LONP1: variants seen among roughly 807,000 people sequenced by gnomAD.
LONP1 encodes lon peptidase 1, mitochondrial, also known as lon protease homolog, mitochondrial.
Under a neutral mutation model 98.5 loss-of-function variants are expected in LONP1, and 31 were observed. The ratio of observed to expected loss-of-function variants is 0.31; its 90% CI spans 0.24 to 0.42. The LOEUF is 0.42. LONP1 is among the 20% of genes least tolerant of loss of function. LONP1 has a pLI of 1.00. For synonymous variants in LONP1, 781 were observed against 594.7 expected (o/e 1.31, Z -4.56); for missense variants, 1,336 against 1,350.6 (o/e 0.99, Z 0.17).
rs1062367 is a variant in LONP1, at chr19:5,696,090, C to T, written c.1977G>A (p.Ser659=). The change falls in exon 13 of 18, where the codon TCG becomes TCA. Residue 659 remains serine, a synonymous_variant. Transcript: ENST00000360614. ...CCAGCTTCTCCTGGGCCACGTAGCCCGACACGTTGATCATCTCCATACGGT... is the reference window on the plus strand; with the variant it reads ...CCAGCTTCTCCTGGGCCACGTAGCCTGACACGTTGATCATCTCCATACGGT... ...LRDRMEMINV[S]GYVAQEKLAI... 38,455 of 1,612,944 alleles carry T rather than the reference C, an allele frequency of 0.024. 572 individuals are homozygous for T. Among genetic ancestry groups the T allele is most frequent in the Admixed American group, 0.027 (1,617 of 60,002 alleles).
intron 1 of LONP1, chr19:5,717,351 C>T (rs1238246707): frequency 6.6e-6 from 1 of 152,206 alleles, no homozygotes; most frequent in Non-Finnish European, 1.5e-5. Context: ...TAGCTGCATC[C>T]TTGGCATCTG....
In LONP1 at chr19:5,693,304, G is replaced by A. The variant is rs2054864573; in HGVS notation, c.2697C>T (p.Thr899=). ...TGGGTACAGGGACACTCACCGCAAT[G>A]GTCTTCTCCTTGATGCCACCAACAG... ...ILPVGGIKEK[T]IAAKRAGVTC... The change falls in exon 17 of 18, where the codon ACC becomes ACT. Residue 899 remains threonine, a synonymous_variant. Transcript: ENST00000360614. 6.2e-7 allele frequency: 1 copy of A among 1,611,124 alleles called. No homozygotes were observed. The highest frequency in any genetic ancestry group is 8.5e-7 in the Non-Finnish European group (1 of 1,178,276).
rs767892122 is a variant in LONP1 at position 5,719,755 on chromosome 19, G to A, written c.378C>T (p.Leu126=). ...ACACCGGGTTGCGGGTGATGGCGAT[G>A]AGCGGCAGGTGCGGAAACACATCGG... The part of the protein sequence containing the change: ...TIPDVFPHLP[L]IAITRNPVFP... The change falls in exon 1 of 18, where the codon CTC becomes CTT. Residue 126 remains leucine (L), a synonymous_variant. Transcript: ENST00000360614. 6.2e-7 allele frequency: 1 copy of A among 1,613,720 alleles called. No individual in the cohort carries two copies. Among genetic ancestry groups the A allele is most frequent in the Non-Finnish European group, 8.5e-7 (1 of 1,180,012 alleles).
In LONP1 at chr19:5,719,777, T is replaced by G. The variant is rs1410826377; in HGVS notation, c.356A>C (p.Asp119Ala). ...ITALTPMTIP[D>A]VFPHLPLIAI... ...GATGAGCGGCAGGTGCGGAAACACA[T>G]CGGGGATCGTCATGGGCGTGAGCGC... Residue 119 changes from aspartate to alanine, a missense_variant, in exon 1 of 18, where the codon GAT becomes GCT. Physicochemically the swap from Asp to Ala is moderately radical, Grantham distance 126 (BLOSUM62 -2). This residue lies in a region of LONP1 where 457 missense variants were observed against 403.1 expected (regional missense o/e 1.13). Coordinates refer to ENST00000360614, the MANE Select transcript of LONP1 (RefSeq NM_004793.4). 1.9e-6 allele frequency: 3 copies of G among 1,613,150 alleles called. No individual in the cohort carries two copies. Among genetic ancestry groups the G allele is most frequent in the Non-Finnish European group, 2.5e-6 (3 of 1,179,972 alleles).
chr19:5,697,002 C>T (rs1049012821), intron 10 of LONP1, among the ~76,000 whole-genome samples: 9 of 152,198 alleles, frequency 5.9e-5, no homozygotes, highest in African/African-American at 2.2e-4. Flanking sequence ...CCCTCAGTCC[C>T]ATCCCTCAGC....
intron 8 of LONP1, among the ~76,000 whole-genome samples, chr19:5,702,963 C>T (rs1327534891): frequency 6.7e-6 from 1 of 150,116 alleles, no homozygotes; most frequent in African/African-American, 2.5e-5. Flanking sequence ...CCACTATTGT[C>T]CTATGACCCT....
chr19:5,697,421 A>G (rs757079523), intron 10 of LONP1, among the ~76,000 whole-genome samples: 5 of 151,460 alleles, frequency 3.3e-5, no homozygotes, highest in Non-Finnish European at 5.9e-5. Flanking sequence ...CCCAGGACAC[A>G]GCCCGTGCAA....
Position 5,719,784 on chromosome 19 carries a change from T to C in LONP1, c.349A>G (p.Ile117Val), listed in dbSNP as rs1223854349. ...PVITALTPMT[I>V]PDVFPHLPLI... ...GGCAGGTGCGGAAACACATCGGGGA[T>C]CGTCATGGGCGTGAGCGCCGTTATG... Residue 117 changes from isoleucine (I) to valine (V), a missense_variant, in exon 1 of 18, where the codon ATC (isoleucine) becomes GTC (valine). This residue lies in a region of LONP1 where 457 missense variants were observed against 403.1 expected (regional missense o/e 1.13). Transcript: ENST00000360614. 1 of 1,613,250 alleles carries C rather than the reference T, an allele frequency of 6.2e-7. No homozygotes were observed. Among genetic ancestry groups the C allele is most frequent in the South Asian group, 1.1e-5 (1 of 91,086 alleles).
chr19:5,700,255 AGGC>A (rs1405759486), intron 9 of LONP1, among the ~76,000 whole-genome samples: 1 of 152,160 alleles, frequency 6.6e-6, no homozygotes, highest in Admixed American at 6.5e-5. Context: ...CTGGGATTAC[AGGC>A]ATGCGCCACC....
At chr19:5,716,026 T>C (rs1363452180) in intron 1 of LONP1, among the ~76,000 whole-genome samples, 2 of 151,682 alleles carry the variant, frequency 1.3e-5, no homozygotes, top group Non-Finnish European at 2.9e-5. Context: ...GGAGCTCACC[T>C]GATTTCTTTC....
At position 5,694,441 on chromosome 19, in the gene LONP1, T is replaced by C. The variant is rs754562604; in HGVS notation, c.2266A>G (p.Met756Val). ...VGKPVFTVER[M>V]YDVTPPGVVM... The stretch of plus-strand genomic sequence containing the variant: ...ACGCCGGGCGGTGTCACGTCATACA[T>C]GCGCTCCACGGTGAACACGGGCTTC... The change falls in exon 15 of 18, where the codon ATG (methionine) becomes GTG (valine). Residue 756 changes from methionine (M) to valine (V), a missense_variant. Coordinates refer to ENST00000360614, the MANE Select transcript of LONP1 (RefSeq NM_004793.4). 25 of 1,613,344 alleles carry C rather than the reference T, an allele frequency of 1.5e-5. No individual in the cohort carries two copies. Among genetic ancestry groups the C allele is most frequent in the Admixed American group, 3.3e-5 (2 of 59,980 alleles).
At chr19:5,707,641 T>G (rs548425330) in intron 6 of LONP1, 56 bp downstream of exon 6, 1 of 1,571,464 alleles carries the variant, frequency 6.4e-7, no homozygotes, top group East Asian at 2.3e-5. Context: ...GGGCGGAGCA[T>G]AGTGGAGGTG....
intron 1 of LONP1, among the ~76,000 whole-genome samples, chr19:5,715,506 G>A (rs1323179943): frequency 1.3e-5 from 2 of 150,756 alleles, no homozygotes; most frequent in South Asian, 4.2e-4. Context: ...GCCGGGCGTG[G>A]TGGCGGGCAC....
Position 5,720,088 on chromosome 19 carries a change from C to T in LONP1, c.45G>A (p.Arg15=), listed in dbSNP as rs2145646230. ...TGYVRLWGAA[R]CWVLRRPMLA... ...GCATCGGCCGCCGCAGCACCCAGCA[C>T]CGCGCCGCTCCCCACAGTCGCACGT... The change falls in exon 1 of 18, where the codon CGG becomes CGA. Residue 15 remains arginine (R), a synonymous_variant. Coordinates refer to ENST00000360614, the MANE Select transcript of LONP1 (RefSeq NM_004793.4). 3.4e-6 allele frequency: 5 copies of T among 1,487,692 alleles called. No homozygotes were observed. Among genetic ancestry groups the T allele is most frequent in the Non-Finnish European group, 4.4e-6 (5 of 1,129,360 alleles). 92.2% of individuals were successfully genotyped at this position (1,487,692 alleles called of 1,614,324 possible).
intron 4 of LONP1, among the ~76,000 whole-genome samples, chr19:5,710,891 T>C (rs2055226048): frequency 6.6e-6 from 1 of 152,090 alleles, no homozygotes; most frequent in African/African-American, 2.4e-5. Flanking sequence ...CCGTGTGTGG[T>C]GGCACGTGCC....
intron 10 of LONP1, among the ~76,000 whole-genome samples, chr19:5,698,171 C>T (rs2054976479): frequency 6.6e-6 from 1 of 152,024 alleles, no homozygotes; most frequent in Non-Finnish European, 1.5e-5. Context: ...TGGCCGCCCC[C>T]TGGGGACTGG....
chr19:5,700,932 CA>C lies in LONP1; in HGVS notation c.1368-6del. The C allele has an allele frequency of 6.2e-7, 1 of 1,614,110 alleles. No homozygotes were observed. Among genetic ancestry groups the C allele is most frequent in the Non-Finnish European group, 8.5e-7 (1 of 1,179,996 alleles). On this transcript the variant is annotated splice_region_variant and splice_polypyrimidine_tract_variant and intron_variant, in intron 8 of 17. Transcript: ENST00000360614. ...TCTAGGTAGTTGCGGGTGACACTGC[CA>C]GGGGACAGATGGAGAGATGCTGAGT... is the stretch of plus-strand genomic sequence containing the variant.
At chr19:5,701,014 C>T in intron 8 of LONP1, 87 bp from the exon 9 acceptor site, 1 of 1,503,754 alleles carries the variant, frequency 6.7e-7, no homozygotes, top group Non-Finnish European at 9.2e-7. Context: ...TTGCAAGGGG[C>T]TTGAAACCCA....
intron 7 of LONP1, 114 bp from the exon 8 acceptor site, chr19:5,706,106 G>T: frequency 1.4e-6 from 1 of 695,770 alleles, no homozygotes; most frequent in Non-Finnish European, 2.5e-6. Context: ...GAAAAGAAAC[G>T]AAACCCAGAG....
Sources: gnomAD v4.1 joint callset for allele counts (sites outside exome capture counted in the v4.1 genomes callset) on GRCh38, gnomAD v4.1.1 for gene constraint, gnomAD v4.1.1 regional missense constraint, MANE v1.5 for transcripts, NCBI Gene and HGNC (gene_info 2026-07-23, HGNC 2026-07-21) for gene names.